The following HDAC2 variants were observed in gnomAD, a reference collection of about 807,000 sequenced individuals.
HDAC2 encodes the protein YY1-associated factor 1.
HDAC2 carries 5 observed loss-of-function variants against 68.5 expected under a neutral mutation model. That is an observed-to-expected ratio of 0.07 (90% CI 0.04 to 0.15). The LOEUF is 0.15. Among genes scored for constraint, HDAC2 ranks in the 10% least tolerant of loss-of-function variants. HDAC2 has a pLI of 1.00. For synonymous variants in HDAC2, 182 were observed against 191.3 expected, an observed-to-expected ratio of 0.95 and a Z score of 0.40; for missense variants, 291 against 600.8, an observed-to-expected ratio of 0.48 and a Z score of 5.39.
intron 6 of HDAC2, among the ~76,000 whole-genome samples, chr6:113,952,929 T>C (rs1487508430): frequency 6.6e-6 from 1 of 152,182 alleles, no homozygotes; most frequent in East Asian, 1.9e-4. Flanking sequence ...ACCTAGTCTA[T>C]TTTATTCCAC....
rs1391444758 is a variant in HDAC2 at position 113,933,876 on chromosome 6, G to C, written c.*7182C>G. On this transcript the variant is annotated 3_prime_UTR_variant, in exon 14 of 14. Transcript: ENST00000519065. ...TTCTTTTATCCCTTATTCCAATCCT[G>C]TTATTATTAAGGATTATATTTAACT... 1 of 151,484 alleles carries C rather than the reference G, an allele frequency of 6.6e-6. No homozygotes were observed. The highest frequency in any genetic ancestry group is 1.5e-5 in the Non-Finnish European group (1 of 67,932). The allele number at this position is 151,484 out of a possible 1,614,324, so 9.4% of individuals were successfully genotyped here.
intron 8 of HDAC2, chr6:113,946,774 T>C (rs1211837700): frequency 6.6e-6 from 1 of 152,088 alleles, no homozygotes; most frequent in African/African-American, 2.4e-5. Context: ...CATTTATAAG[T>C]TTCCAGTAAG....
chr6:113,965,619 C>A (rs540310753), intron 1 of HDAC2, among the ~76,000 whole-genome samples: 17 of 152,334 alleles, frequency 1.1e-4, no homozygotes, highest in African/African-American at 3.6e-4. Flanking sequence ...GATCTGCCCG[C>A]CTCGGCTTCC....
chr6:113,956,589 A>G (rs754999563), intron 4 of HDAC2, 30 bp downstream of exon 4: 1 of 1,506,154 alleles, frequency 6.6e-7, no homozygotes, highest in Non-Finnish European at 9.2e-7. Context: ...GTTCAGATCA[A>G]CTTTTAAATC....
intron 1 of HDAC2, chr6:113,970,486 T>C (rs1776963504): frequency 4.5e-6 from 5 of 1,114,672 alleles, no homozygotes; most frequent in African/African-American, 1.7e-5. Context: ...AAACCTGCGT[T>C]GCCACGAATG....
chr6:113,938,717 A>T lies in HDAC2; in HGVS notation c.*2341T>A, dbSNP rs1776061248. On this transcript the variant is annotated 3_prime_UTR_variant, in exon 14 of 14. Transcript: ENST00000519065. The stretch of plus-strand genomic sequence containing the variant: ...CTTACTATGTTACATTGACCTTACT[A>T]GACACAAGAACCATAGCTTCTTTAC... The T allele has an allele frequency of 6.6e-6, 1 of 152,200 alleles. No homozygotes were observed. The highest frequency in any genetic ancestry group is 2.4e-5 in the African/African-American group (1 of 41,450). 9.4% of individuals were successfully genotyped at this position (152,200 alleles called of 1,614,324 possible). A position where few individuals can be genotyped will look rare whatever the true frequency, so the allele number is the denominator to read the frequency against.
chr6:113,970,397 T>G, intron 1 of HDAC2: 1 of 952,580 alleles, frequency 1.0e-6, no homozygotes, highest in African/African-American at 1.8e-5. Context: ...CGGGGCTTTG[T>G]GTAGAGTCAA....
intron 6 of HDAC2, among the ~76,000 whole-genome samples, chr6:113,951,324 C>A (rs1194313792): frequency 6.6e-6 from 1 of 152,180 alleles, no homozygotes; most frequent in Non-Finnish European, 1.5e-5. Context: ...ATTAAATTAA[C>A]ATCCAAAGAT....
rs535146771 is a variant in HDAC2 at position 113,943,532 on chromosome 6, T to C, written c.1223-26A>G. ...CTGCACAGAATATTTTAATAAATTT[T>C]GACAAAAACAGTCACAGGTTTTATA... is the stretch of plus-strand genomic sequence containing the variant. On this transcript the variant is annotated intron_variant, in intron 11 of 13. Coordinates refer to ENST00000519065, the MANE Select transcript of HDAC2 (RefSeq NM_001527.4). 7 of 1,563,720 alleles carry C rather than the reference T, an allele frequency of 4.5e-6. No individual in the cohort carries two copies. In the East Asian group the frequency reaches 1.6e-4, roughly 35 times the overall value.
chr6:113,950,699 GT>G (rs1418810561), intron 6 of HDAC2, among the ~76,000 whole-genome samples: 2 of 119,452 alleles, frequency 1.7e-5, no homozygotes, highest in East Asian at 6.2e-4. Context: ...CCTGAGTGGG[GT>G]GGGGGGGGGG....
At chr6:113,962,963 CAAAAA>C (rs796684838) in intron 1 of HDAC2, among the ~76,000 whole-genome samples, 1 of 62,626 alleles carries the variant, frequency 1.6e-5, no homozygotes. Context: ...GACTCTGTAT[CAAAAA>C]AAAAAAAAAA....
In HDAC2 at chr6:113,939,564, C is replaced by A. The variant is rs1776081770; in HGVS notation, c.*1494G>T. The A allele has an allele frequency of 6.6e-6, 1 of 152,116 alleles. No homozygotes were observed. Among genetic ancestry groups the A allele is most frequent in the African/African-American group, 2.4e-5 (1 of 41,406 alleles). The allele number at this position is 152,116 out of a possible 1,614,324, so 9.4% of individuals were successfully genotyped here. On this transcript the variant is annotated 3_prime_UTR_variant, in exon 14 of 14. Coordinates refer to ENST00000519065, the MANE Select transcript of HDAC2 (RefSeq NM_001527.4). ...AACGAAGGGACTAAGTTTCTTAGTT[C>A]CTAATGTCATAAAGGTTTACAGATT...
rs1776111176 is a variant in HDAC2 at position 113,940,756 on chromosome 6, G to A, written c.*302C>T. 1 of 266,336 alleles carries A rather than the reference G, an allele frequency of 3.8e-6. No homozygotes were observed. The highest frequency in any genetic ancestry group is 5.0e-5 in the Admixed American group (1 of 20,150). 16.5% of individuals were successfully genotyped at this position (266,336 alleles called of 1,614,324 possible). A position where few individuals can be genotyped will look rare whatever the true frequency, so the allele number is the denominator to read the frequency against. ...TTTAATAAAGATAATTACAAAAGAT[G>A]GAAAAATCAGCTCAGAAAGGCCAAT... On this transcript the variant is annotated 3_prime_UTR_variant, in exon 14 of 14. Coordinates refer to ENST00000519065, the MANE Select transcript of HDAC2 (RefSeq NM_001527.4).
Position 113,938,349 on chromosome 6 carries a change from A to G in HDAC2, c.*2709T>C, listed in dbSNP as rs993537415. The G allele has an allele frequency of 6.6e-6, 1 of 152,180 alleles. No individual in the cohort carries two copies. The highest frequency in any genetic ancestry group is 2.4e-5 in the African/African-American group (1 of 41,452). The allele number at this position is 152,180 out of a possible 1,614,324, so 9.4% of individuals were successfully genotyped here. The stretch of plus-strand genomic sequence containing the variant: ...AGCCTTTTGACCTGGATGAGTTACA[A>G]ATCTGCCTCCCACTCTGTCTTTTGT... On this transcript the variant is annotated 3_prime_UTR_variant, in exon 14 of 14. Transcript: ENST00000519065.
rs1387649136 is a variant in HDAC2, at chr6:113,971,058, G to C, written c.-150C>G. 6.4e-7 allele frequency: 1 copy of C among 1,561,364 alleles called. No homozygotes were observed. The highest frequency in any genetic ancestry group is 1.2e-5 in the South Asian group (1 of 85,596). The stretch of plus-strand genomic sequence containing the variant: ...GAAGGGCAGGCCGGTGGGAGGAGAG[G>C]AGGGGGCGCCGGGAAGGCTCGGTAC... On this transcript the variant is annotated 5_prime_UTR_variant, in exon 1 of 14. Coordinates refer to ENST00000519065, the MANE Select transcript of HDAC2 (RefSeq NM_001527.4).
chr6:113,949,013 A>G lies in HDAC2; in HGVS notation c.807T>C (p.Gly269=), dbSNP rs1201435200. ...TTAGATTGAAACAACCCAGTCTATCACCAGATAATGAGTCTGCACCACACT... is the reference window on the plus strand; with the variant it reads ...TTAGATTGAAACAACCCAGTCTATCGCCAGATAATGAGTCTGCACCACACT... ...VLQCGADSLS[G]DRLGCFNLTV... The change falls in exon 8 of 14, where the codon GGT becomes GGC. Residue 269 remains glycine (G), a synonymous_variant. Transcript: ENST00000519065. The G allele has an allele frequency of 6.2e-7, 1 of 1,614,000 alleles. No homozygotes were observed. Among genetic ancestry groups the G allele is most frequent in the Non-Finnish European group, 8.5e-7 (1 of 1,179,946 alleles).
Position 113,939,824 on chromosome 6 carries a change from A to G in HDAC2, c.*1234T>C, listed in dbSNP as rs1582473734. 1 of 152,220 alleles carries G rather than the reference A, an allele frequency of 6.6e-6. No individual in the cohort carries two copies. The highest frequency in any genetic ancestry group is 1.5e-5 in the Non-Finnish European group (1 of 68,036). The allele number at this position is 152,220 out of a possible 1,614,324, so 9.4% of individuals were successfully genotyped here. A position where few individuals can be genotyped will look rare whatever the true frequency, so the allele number is the denominator to read the frequency against. ...GGGTGGGTGCACAGCTGTTCATTAC[A>G]AAAGTCTAGGTGCTATTGTGAATGT... On this transcript the variant is annotated 3_prime_UTR_variant, in exon 14 of 14. Coordinates refer to ENST00000519065, the MANE Select transcript of HDAC2 (RefSeq NM_001527.4).
intron 5 of HDAC2, 148 bp downstream of exon 5, chr6:113,955,865 T>C (rs1192827658): frequency 8.4e-6 from 5 of 591,762 alleles, no homozygotes; most frequent in Non-Finnish European, 1.4e-5. Context: ...CATTTCTTCA[T>C]TGTTTTGTAA....
chr6:113,935,083 C>A lies in HDAC2; in HGVS notation c.*5975G>T, dbSNP rs1775974985. 6.6e-6 allele frequency: 1 copy of A among 151,924 alleles called. No individual in the cohort carries two copies. The highest frequency in any genetic ancestry group is 6.6e-5 in the Admixed American group (1 of 15,264). The allele number at this position is 151,924 out of a possible 1,614,324, so 9.4% of individuals were successfully genotyped here. A position where few individuals can be genotyped will look rare whatever the true frequency, so the allele number is the denominator to read the frequency against. ...GAATGGTAGATCTCCCATCCTCATG[C>A]TTGGAGGGCTATTATCTACCACAGG... On this transcript the variant is annotated 3_prime_UTR_variant, in exon 14 of 14. Coordinates refer to ENST00000519065, the MANE Select transcript of HDAC2 (RefSeq NM_001527.4).
Sources: allele counts gnomAD v4.1 joint callset (sites outside exome capture counted in the v4.1 genomes callset), GRCh38; gene constraint gnomAD v4.1.1; transcripts MANE v1.5; gene names NCBI Gene and HGNC (gene_info 2026-07-23, HGNC 2026-07-21).